UNC5D: variants seen among roughly 807,000 people sequenced by gnomAD.
UNC5D encodes unc-5 netrin receptor D.
In UNC5D, 39 loss-of-function variants were observed where a neutral mutation model predicts 105.4. The observed-to-expected ratio is 0.37, with a 90% confidence interval of 0.29 to 0.48. The LOEUF is 0.48. UNC5D is among the 20% of genes least tolerant of loss of function. The pLI is 0.98. For synonymous variants in UNC5D, 452 were observed against 450.4 expected, an observed-to-expected ratio of 1.00 and a Z score of -0.04; for missense variants, 991 against 1,202.4, an observed-to-expected ratio of 0.82 and a Z score of 2.60.
intron 11 of UNC5D, among the ~76,000 whole-genome samples, chr8:35,739,531 G>A (rs750578471): frequency 1.1e-4 from 17 of 152,148 alleles, no homozygotes; most frequent in Non-Finnish European, 2.4e-4. Flanking sequence ...AATGTGAAAT[G>A]ATTAGAGTGG....
chr8:35,433,249 C>T (rs1806776263), intron 1 of UNC5D, among the ~76,000 whole-genome samples: 1 of 152,150 alleles, frequency 6.6e-6, no homozygotes, highest in South Asian at 2.1e-4. Flanking sequence ...GGAGATAGAT[C>T]TACCTGGCAC....
chr8:35,338,459 T>A (rs1361731857), intron 1 of UNC5D, among the ~76,000 whole-genome samples: 1 of 152,068 alleles, frequency 6.6e-6, no homozygotes, highest in African/African-American at 2.4e-5. Flanking sequence ...TAATGCTTGA[T>A]TCATTTGATT....
intron 1 of UNC5D, among the ~76,000 whole-genome samples, chr8:35,311,153 G>A (rs567571495): frequency 6.6e-6 from 1 of 152,302 alleles, no homozygotes; most frequent in African/African-American, 2.4e-5. Flanking sequence ...GGGGATTGGA[G>A]AAAGGACACA....
intron 8 of UNC5D, among the ~76,000 whole-genome samples, chr8:35,717,323 T>C (rs1014430426): frequency 6.6e-6 from 1 of 152,224 alleles, no homozygotes; most frequent in Non-Finnish European, 1.5e-5. Context: ...GAGTTAAATT[T>C]CCATTAGTAA....
At position 35,750,741 on chromosome 8, in the gene UNC5D, A is replaced by G. The variant is rs537388504; in HGVS notation, c.2095A>G (p.Met699Val). Residue 699 changes from methionine (M) to valine (V), a missense_variant, in exon 13 of 17, where the codon ATG (methionine) becomes GTG (valine). Coordinates refer to ENST00000404895, the MANE Select transcript of UNC5D (RefSeq NM_080872.4). ...ACTGAAGGTGGCGGTTTTTGGCTGC[A>G]TGTCCTGTAACTCCCTGGATTACAA... The part of the protein sequence containing the change: ...KQLKVAVFGC[M>V]SCNSLDYNLR... 1.2e-6 allele frequency: 2 copies of G among 1,614,158 alleles called. No homozygotes were observed. The highest frequency in any genetic ancestry group is 2.2e-5 in the East Asian group (1 of 44,852).
At chr8:35,592,338 C>T (rs536747394) in intron 3 of UNC5D, among the ~76,000 whole-genome samples, 18 of 152,190 alleles carry the variant, frequency 1.2e-4, no homozygotes, top group Admixed American at 6.5e-4. Flanking sequence ...AATCTATTTT[C>T]GGTTCTATGG....
chr8:35,283,058 T>G (rs549875683), intron 1 of UNC5D, among the ~76,000 whole-genome samples: 23 of 152,288 alleles, frequency 1.5e-4, no homozygotes, highest in African/African-American at 5.1e-4. Context: ...CAAACATTAT[T>G]TATTTGGTAA....
rs186119645 is a variant in UNC5D at position 35,568,217 on chromosome 8, A to G, written c.442A>G (p.Arg148Gly). The change falls in exon 3 of 17, where the codon AGG becomes GGG. Residue 148 changes from arginine to glycine, a missense_variant. Transcript: ENST00000404895. ...GAGCCACCTGGGTACCTCCAAGAGC[A>G]GGAAGGCCTCTGTGCGCATAGCCTG... is the stretch of plus-strand genomic sequence containing the variant. ...AWSHLGTSKSRKASVRIAYLR... is the reference protein window; with the variant it reads ...AWSHLGTSKSGKASVRIAYLR... 6.2e-7 allele frequency: 1 copy of G among 1,614,194 alleles called. No homozygotes were observed. Among genetic ancestry groups the G allele is most frequent in the African/African-American group, 1.3e-5 (1 of 75,060 alleles).
chr8:35,570,538 G>T (rs896318131), intron 3 of UNC5D, among the ~76,000 whole-genome samples: 1 of 152,036 alleles, frequency 6.6e-6, no homozygotes, highest in Non-Finnish European at 1.5e-5. Flanking sequence ...TAAACAAATT[G>T]AATTAAAATT....
At position 35,299,139 on chromosome 8, in the gene UNC5D, T is replaced by C. The variant is rs143661020; in HGVS notation, c.103+63252T>C. On this transcript the variant is annotated intron_variant, in intron 1 of 16. Coordinates refer to ENST00000404895, the MANE Select transcript of UNC5D (RefSeq NM_080872.4). ...ACTAAGGAATATGTAAAATATACCC[T>C]TCTTCTGAGGAAGTAGAGTTGACAT... is the stretch of plus-strand genomic sequence containing the variant. Among the ~76,000 whole-genome samples the C allele has an allele frequency of 1.4e-4, 21 of 152,330 alleles. No homozygotes were observed. The East Asian group carries it at 4.1e-3, about 29-fold the overall frequency.
chr8:35,529,196 T>A (rs1221645900), intron 1 of UNC5D, among the ~76,000 whole-genome samples: 1 of 127,374 alleles, frequency 7.9e-6, no homozygotes, highest in African/African-American at 3.7e-5. Context: ...AACGTTTAAG[T>A]CTTTAATCCA....
chr8:35,274,186 A>T (rs945287516), intron 1 of UNC5D, among the ~76,000 whole-genome samples: 2 of 152,128 alleles, frequency 1.3e-5, no homozygotes, highest in Non-Finnish European at 2.9e-5. Context: ...TAGTCATCAG[A>T]ATATATAAGT....
chr8:35,710,058 T>C (rs1483660386), intron 8 of UNC5D, among the ~76,000 whole-genome samples: 1 of 152,188 alleles, frequency 6.6e-6, no homozygotes, highest in Non-Finnish European at 1.5e-5. Flanking sequence ...ACCTAATATA[T>C]TCAAGGAAAA....
At chr8:35,721,505 C>T (rs776870148) in intron 8 of UNC5D, 37 of 702,746 alleles carry the variant, frequency 5.3e-5, no homozygotes, top group African/African-American at 2.8e-4. Flanking sequence ...CCTAGCAACC[C>T]GTCCTCTTCC....
At chr8:35,756,962 T>C (rs1360396326) in intron 13 of UNC5D, among the ~76,000 whole-genome samples, 1 of 152,192 alleles carries the variant, frequency 6.6e-6, no homozygotes, top group Non-Finnish European at 1.5e-5. Context: ...TGTTATACTA[T>C]GGCTTTAATA....
At chr8:35,334,581 C>A (rs1177697523) in intron 1 of UNC5D, among the ~76,000 whole-genome samples, 1 of 151,482 alleles carries the variant, frequency 6.6e-6, no homozygotes, top group Non-Finnish European at 1.5e-5. Flanking sequence ...GGCACCATCT[C>A]GGCTCACTGC....
intron 1 of UNC5D, among the ~76,000 whole-genome samples, chr8:35,414,055 G>A (rs1805377543): frequency 6.6e-6 from 1 of 152,008 alleles, no homozygotes; most frequent in African/African-American, 2.4e-5. Context: ...TTTTGTTTCT[G>A]AAGCTCTCTA....
chr8:35,558,970 A>G (rs1816740959), intron 2 of UNC5D, among the ~76,000 whole-genome samples: 2 of 152,122 alleles, frequency 1.3e-5, no homozygotes, highest in African/African-American at 4.8e-5. Context: ...CAACAGAACA[A>G]GACTCTGTCT....
chr8:35,593,971 T>G (rs1819337134), intron 3 of UNC5D, among the ~76,000 whole-genome samples: 1 of 152,122 alleles, frequency 6.6e-6, no homozygotes, highest in Non-Finnish European at 1.5e-5. Flanking sequence ...TCATTCTGGG[T>G]TTATTCACAG....
Sources: allele counts gnomAD v4.1 joint callset (sites outside exome capture counted in the v4.1 genomes callset), GRCh38; gene constraint gnomAD v4.1.1; transcripts MANE v1.5; gene names NCBI Gene and HGNC (gene_info 2026-07-23, HGNC 2026-07-21).